The following MYCBPAP variants were observed in gnomAD, a reference collection of about 807,000 sequenced individuals.
MYCBPAP encodes the protein MYCBP-associated protein.
In MYCBPAP, 60 loss-of-function variants were observed where a neutral mutation model predicts 106.1. The ratio of observed to expected loss-of-function variants is 0.57; its 90% CI spans 0.46 to 0.70. MYCBPAP has a LOEUF of 0.70. Among genes scored for constraint, MYCBPAP ranks in the 30% least tolerant of loss-of-function variants. The pLI, the probability that MYCBPAP is intolerant of heterozygous loss-of-function variation, is 0.00. For synonymous variants in MYCBPAP, 407 were observed against 440.6 expected (o/e 0.92, Z 0.95); for missense variants, 1,064 against 1,169.3 (o/e 0.91, Z 1.31).
Position 50,508,639 on chromosome 17 carries a change from G to C in MYCBPAP, c.-36G>C, listed in dbSNP as rs1346845989. On this transcript the variant is annotated 5_prime_UTR_variant, in exon 1 of 19. Coordinates refer to ENST00000323776, the MANE Select transcript of MYCBPAP (RefSeq NM_032133.6). ...GCAGCCTCGGTGTCTCTGGGCCGGC[G>C]GTGCAGGGCAACGTTTCATGGTGCC... 1.3e-6 allele frequency: 2 copies of C among 1,583,412 alleles called. No individual in the cohort carries two copies. Among genetic ancestry groups the C allele is most frequent in the Non-Finnish European group, 8.6e-7 (1 of 1,162,460 alleles).
intron 18 of MYCBPAP, 92 bp downstream of exon 18, chr17:50,529,280 T>C (rs1238583059): frequency 9.6e-6 from 12 of 1,252,526 alleles, no homozygotes; most frequent in Non-Finnish European, 1.3e-5. Context: ...CACTCCATCA[T>C]GGTGGAAGCA....
chr17:50,527,616 T>C lies in MYCBPAP; in HGVS notation c.2291+208T>C, dbSNP rs527586326. ...CACAGCAGATCAAACACCTTATCTT[T>C]TTTTTCTTCCCCTTTTTGCCTTGTT... On this transcript the variant is annotated intron_variant, in intron 15 of 18. Transcript: ENST00000323776. Among the ~76,000 whole-genome samples the C allele has an allele frequency of 9.8e-5, 15 of 152,318 alleles. No homozygotes were observed. The South Asian group carries it at 2.9e-3, about 29-fold the overall frequency.
chr17:50,529,919 G>C (rs6504671), intron 18 of MYCBPAP: 325,448 of 440,880 alleles, frequency 0.74, 120,471 homozygotes, highest in African/African-American at 0.89. Context: ...TTGTTTGTTA[G>C]TGTTGTTGTT....
In MYCBPAP at chr17:50,527,323, G is replaced by T. The variant is rs768766307; in HGVS notation, c.2206G>T (p.Asp736Tyr). The T allele has an allele frequency of 1.1e-5, 17 of 1,613,992 alleles. No individual in the cohort carries two copies. Among genetic ancestry groups the T allele is most frequent in the East Asian group, 2.2e-5 (1 of 44,890 alleles). Residue 736 changes from aspartate to tyrosine, a missense_variant, in exon 15 of 19, where the codon GAT becomes TAT. Asp to Tyr is a radical substitution (Grantham distance 160). Coordinates refer to ENST00000323776, the MANE Select transcript of MYCBPAP (RefSeq NM_032133.6). Reference sequence around the variant, plus strand: ...GCTCCCTGATGAGAACCACAGAGAGGATGCGTTGATGAGGCTCAACAAAGC... The same window carrying T: ...GCTCCCTGATGAGAACCACAGAGAGTATGCGTTGATGAGGCTCAACAAAGC... Reference protein sequence around the residue: ...MVLPDENHREDALMRLNKAAL... With the variant: ...MVLPDENHREYALMRLNKAAL...
At chr17:50,522,912 G>A (rs776351592) in intron 10 of MYCBPAP, 27 bp from the exon 11 acceptor site, 19 of 1,598,772 alleles carry the variant, frequency 1.2e-5, no homozygotes, top group Middle Eastern at 1.7e-4. Context: ...TTGCAGCAAA[G>A]ACATTTCTTG....
intron 10 of MYCBPAP, 133 bp from the exon 11 acceptor site, chr17:50,522,806 T>G: frequency 1.3e-6 from 1 of 753,808 alleles, no homozygotes; most frequent in South Asian, 2.1e-5. Flanking sequence ...TGTGTGACAG[T>G]GGCCAAGCCC....
At position 50,508,499 on chromosome 17, in the gene MYCBPAP, A is replaced by C; in HGVS notation, c.-176A>C. 1 of 1,511,560 alleles carries C rather than the reference A, an allele frequency of 6.6e-7. No homozygotes were observed. The highest frequency in any genetic ancestry group is 8.8e-7 in the Non-Finnish European group (1 of 1,130,046). 93.6% of individuals were successfully genotyped at this position (1,511,560 alleles called of 1,614,324 possible). A position where few individuals can be genotyped will look rare whatever the true frequency, so the allele number is the denominator to read the frequency against. On this transcript the variant is annotated 5_prime_UTR_variant, in exon 1 of 19. The change abolishes an upstream ATG in the 5' untranslated region. Coordinates refer to ENST00000323776, the MANE Select transcript of MYCBPAP (RefSeq NM_032133.6). ...CGGCGGCGGGCGCGTGCGCGGCCCG[A>C]TGAAGAAGGAGGTTTCCAAGCCGTC...
Position 50,520,011 on chromosome 17 carries a change from G to C in MYCBPAP, c.916+224G>C, listed in dbSNP as rs538138912. ...GCTAGGAAACTGGAGTGCAGCCATA[G>C]AGCTGCCGTCCAGTGTGGAGCCTTG... On this transcript the variant is annotated intron_variant, in intron 7 of 18. Transcript: ENST00000323776. The C allele has an allele frequency of 1.1e-5, 6 of 524,556 alleles. No individual in the cohort carries two copies. The East Asian group carries it at 1.9e-4, about 17-fold the overall frequency. 32.5% of individuals were successfully genotyped at this position (524,556 alleles called of 1,614,324 possible).
In MYCBPAP at chr17:50,523,142, G is replaced by A. The variant is rs1406904023; in HGVS notation, c.1447+14G>A. ...ACAACCGGGAAGGTACTCGGGAGAA[G>A]CCACCCTATGTGCTAGCTCCTGTCT... On this transcript the variant is annotated intron_variant, in intron 11 of 18. Coordinates refer to ENST00000323776, the MANE Select transcript of MYCBPAP (RefSeq NM_032133.6). 6.2e-7 allele frequency: 1 copy of A among 1,611,050 alleles called. No homozygotes were observed. Among genetic ancestry groups the A allele is most frequent in the East Asian group, 2.2e-5 (1 of 44,822 alleles).
intron 1 of MYCBPAP, among the ~76,000 whole-genome samples, chr17:50,511,693 G>A (rs764198759): frequency 7.2e-5 from 11 of 152,168 alleles, no homozygotes; most frequent in African/African-American, 1.2e-4. Context: ...CATCAAGGGA[G>A]AAATGTCAGC....
At chr17:50,521,523 G>A (rs1234088866) in intron 9 of MYCBPAP, 92 bp downstream of exon 9, 1 of 984,224 alleles carries the variant, frequency 1.0e-6, no homozygotes, top group African/African-American at 1.6e-5. Flanking sequence ...TGAGATCAGG[G>A]TGCCTCTAGC....
In MYCBPAP at chr17:50,523,548, C is replaced by A. The variant is rs373648613; in HGVS notation, c.1448-49C>A. ...CATGTAGGAGCATGTAGGCCTGGGG[C>A]TCAGCCAGCTCCTGCATGTTGAAAA... On this transcript the variant is annotated intron_variant, in intron 11 of 18. Transcript: ENST00000323776. 10 of 1,587,450 alleles carry A rather than the reference C, an allele frequency of 6.3e-6. No homozygotes were observed. The African/African-American group carries it at 1.1e-4, about 17-fold the overall frequency.
intron 8 of MYCBPAP, 41 bp downstream of exon 8, chr17:50,521,266 G>A: frequency 1.3e-6 from 2 of 1,596,140 alleles, no homozygotes; most frequent in African/African-American, 1.3e-5. Flanking sequence ...GCCCCTTGGG[G>A]CGATGCCTGT....
At chr17:50,515,773 C>T (rs8068726) in intron 1 of MYCBPAP, 34,630 of 152,096 alleles carry the variant, frequency 0.23, 5,146 homozygotes, top group African/African-American at 0.43. Context: ...TTAAGTGATG[C>T]GTACCCAAGA....
Position 50,531,390 on chromosome 17 carries a change from A to T in MYCBPAP, c.2788A>T (p.Ile930Leu). ...GGTCCTGGCTGATGAGCTCAGCCCC[A>T]TAAAGAATGTCGAGGAGGCTTTGCG... is the stretch of plus-strand genomic sequence containing the variant. ...LMVLADELSP[I>L]KNVEEALRLC... The change falls in exon 19 of 19, where the codon ATA (isoleucine) becomes TTA (leucine). Residue 930 changes from isoleucine (I) to leucine (L), a missense_variant. Physicochemically the swap from Ile to Leu is conservative, Grantham distance 5 (BLOSUM62 2). Transcript: ENST00000323776. The T allele has an allele frequency of 6.2e-7, 1 of 1,613,566 alleles. No homozygotes were observed. The highest frequency in any genetic ancestry group is 8.5e-7 in the Non-Finnish European group (1 of 1,179,810).
In MYCBPAP at chr17:50,522,936, C is replaced by G. The variant is rs751499954; in HGVS notation, c.1258-3C>G. On this transcript the variant is annotated splice_region_variant and splice_polypyrimidine_tract_variant and intron_variant, in intron 10 of 18. Transcript: ENST00000323776. The stretch of plus-strand genomic sequence containing the variant: ...AGACATTTCTTGTCCCTCCTCCTTC[C>G]AGAGGCAGGTTGGGATTGCTGCTCA... 1 of 1,605,954 alleles carries G rather than the reference C, an allele frequency of 6.2e-7. No individual in the cohort carries two copies. The highest frequency in any genetic ancestry group is 8.5e-7 in the Non-Finnish European group (1 of 1,173,640).
intron 10 of MYCBPAP, 61 bp downstream of exon 10, chr17:50,522,142 G>A: frequency 1.5e-6 from 2 of 1,363,298 alleles, no homozygotes; most frequent in Non-Finnish European, 2.1e-6. Context: ...GCCCTGAGGT[G>A]ACTGGCAGTT....
rs1438722617 is a variant in MYCBPAP at position 50,524,948 on chromosome 17, G to T, written c.1707G>T (p.Leu569Phe). ...EVLQELLMGV[L>F]TPERTPSPVD... ...TGCAGGAGCTGCTGATGGGGGTCTT[G>T]ACCCCGGAGCGCACACCATCACCTG... The change falls in exon 13 of 19, where the codon TTG (leucine) becomes TTT (phenylalanine). Residue 569 changes from leucine (L) to phenylalanine (F), a missense_variant. Coordinates refer to ENST00000323776, the MANE Select transcript of MYCBPAP (RefSeq NM_032133.6). The T allele has an allele frequency of 2.5e-6, 4 of 1,614,030 alleles. No individual in the cohort carries two copies. The highest frequency in any genetic ancestry group is 1.3e-5 in the African/African-American group (1 of 75,050).
intron 18 of MYCBPAP, chr17:50,530,190 T>G (rs1439759182): frequency 1.1e-5 from 5 of 434,934 alleles, no homozygotes; most frequent in Admixed American, 2.6e-5. Flanking sequence ...CATGGCTCTT[T>G]GATATTAAGA....
Sources: allele counts gnomAD v4.1 joint callset (sites outside exome capture counted in the v4.1 genomes callset), GRCh38; gene constraint gnomAD v4.1.1; transcripts MANE v1.5; gene names NCBI Gene and HGNC (gene_info 2026-07-23, HGNC 2026-07-21).